Variants in SLC24A2 observed in about 807,000 individuals in gnomAD.
SLC24A2 encodes solute carrier family 24 member 2.
In SLC24A2, 36 loss-of-function variants were observed where a neutral mutation model predicts 62.0. The observed-to-expected ratio is 0.58, with a 90% CI of 0.44 to 0.77. The LOEUF is 0.77. Ranked by LOEUF, SLC24A2 falls within the 30% of genes least tolerant of loss-of-function variation. The pLI, the probability that SLC24A2 is intolerant of heterozygous loss-of-function variation, is 0.00. For synonymous variants in SLC24A2, 358 were observed against 294.0 expected (o/e 1.22, Z -2.23); for missense variants, 846 against 817.9 (o/e 1.03, Z -0.42).
At chr9:19,995,618 A>G in the SLC24A2 span, among the ~76,000 whole-genome samples, 4 of 152,230 alleles carry the variant, frequency 2.6e-5, no homozygotes, top group Non-Finnish European at 5.9e-5. Flanking sequence ...TCTTTGAAGC[A>G]TTTAACACAT....
the SLC24A2 span, among the ~76,000 whole-genome samples, chr9:20,056,669 G>A: frequency 6.6e-6 from 1 of 152,130 alleles, no homozygotes; most frequent in East Asian, 1.9e-4. Flanking sequence ...TATTGCATCT[G>A]CTGGCAACCA....
chr9:19,751,864 G>C (rs1042841524), intron 2 of SLC24A2, among the ~76,000 whole-genome samples: 11 of 152,202 alleles, frequency 7.2e-5, no homozygotes, highest in Non-Finnish European at 1.6e-4. Flanking sequence ...TTTACCAAGA[G>C]ATAGAAGAAG....
chr9:19,835,945 T>A, the SLC24A2 span, among the ~76,000 whole-genome samples: 3 of 152,184 alleles, frequency 2.0e-5, no homozygotes, highest in East Asian at 5.8e-4. Context: ...CTCAACTACA[T>A]GGAAACTGAA....
chr9:19,624,782 G>T (rs562838285), intron 2 of SLC24A2, among the ~76,000 whole-genome samples: 1 of 152,222 alleles, frequency 6.6e-6, no homozygotes, highest in South Asian at 2.1e-4. Context: ...TAGCCCTGTT[G>T]CAAAAGAGAT....
At chr9:19,895,751 C>A in the SLC24A2 span, 14 of 1,494,688 alleles carry the variant, frequency 9.4e-6, no homozygotes, top group South Asian at 2.5e-5. Context: ...AGGGGCTGGG[C>A]GGCCCAGTCC....
chr9:19,739,818 A>G (rs1484865943), intron 2 of SLC24A2, among the ~76,000 whole-genome samples: 1 of 152,208 alleles, frequency 6.6e-6, no homozygotes, highest in African/African-American at 2.4e-5. Context: ...GATAAATTGG[A>G]CTACGTTAAA....
the SLC24A2 span, among the ~76,000 whole-genome samples, chr9:20,016,086 G>C: frequency 6.6e-6 from 1 of 152,130 alleles, no homozygotes; most frequent in Non-Finnish European, 1.5e-5. Context: ...GGAAAATATA[G>C]GCCAGTGCTT....
the SLC24A2 span, among the ~76,000 whole-genome samples, chr9:20,014,708 A>C: frequency 2.0e-5 from 3 of 152,038 alleles, no homozygotes; most frequent in African/African-American, 7.2e-5. Flanking sequence ...AGAGGAGAAT[A>C]ATGGTTACCA....
At chr9:19,899,578 A>T in the SLC24A2 span, among the ~76,000 whole-genome samples, 1 of 152,216 alleles carries the variant, frequency 6.6e-6, no homozygotes, top group Non-Finnish European at 1.5e-5. Flanking sequence ...TGTTTATAAG[A>T]TATAACAATG....
the SLC24A2 span, among the ~76,000 whole-genome samples, chr9:20,276,293 G>A: frequency 6.6e-6 from 1 of 152,192 alleles, no homozygotes; most frequent in Non-Finnish European, 1.5e-5. Context: ...GGAGAAATTG[G>A]CCAAAACAAA....
At chr9:20,230,023 G>T in the SLC24A2 span, among the ~76,000 whole-genome samples, 8 of 151,892 alleles carry the variant, frequency 5.3e-5, no homozygotes, top group African/African-American at 1.9e-4. Flanking sequence ...TGGGAATGAT[G>T]GTTTCCAGTT....
chr9:20,183,076 CCA>C, the SLC24A2 span, among the ~76,000 whole-genome samples: 1 of 152,140 alleles, frequency 6.6e-6, no homozygotes, highest in Non-Finnish European at 1.5e-5. Context: ...CCTGGGGAGA[CCA>C]CAGTTTTGAA....
chr9:20,024,722 C>T, the SLC24A2 span, among the ~76,000 whole-genome samples: 2 of 152,176 alleles, frequency 1.3e-5, no homozygotes, highest in East Asian at 1.9e-4. Flanking sequence ...TCAGGTCACA[C>T]GTCACTGATT....
chr9:19,961,024 GT>G, the SLC24A2 span, among the ~76,000 whole-genome samples: 1 of 79,884 alleles, frequency 1.3e-5, no homozygotes, highest in African/African-American at 7.5e-5. Flanking sequence ...AGAGGGGTGG[GT>G]GTGTGTGTGT....
chr9:20,153,725 C>T, the SLC24A2 span, among the ~76,000 whole-genome samples: 6 of 151,670 alleles, frequency 4.0e-5, no homozygotes, highest in East Asian at 1.9e-4. Flanking sequence ...TTCAAACAAA[C>T]GAACACAAAT....
chr9:20,036,403 A>C, the SLC24A2 span, among the ~76,000 whole-genome samples: 1 of 148,386 alleles, frequency 6.7e-6, no homozygotes, highest in Non-Finnish European at 1.5e-5. Flanking sequence ...TAATTACCAC[A>C]TTGTGCAATA....
At chr9:20,123,474 G>T in the SLC24A2 span, among the ~76,000 whole-genome samples, 1 of 152,166 alleles carries the variant, frequency 6.6e-6, no homozygotes, top group African/African-American at 2.4e-5. Flanking sequence ...ACTTGTCCAA[G>T]TAGGAGGTAC....
At chr9:20,126,003 G>A in the SLC24A2 span, among the ~76,000 whole-genome samples, 2 of 152,108 alleles carry the variant, frequency 1.3e-5, no homozygotes, top group African/African-American at 4.8e-5. Context: ...GCCACTTCAG[G>A]GCATTATTCA....
At chr9:20,175,684 C>T in the SLC24A2 span, among the ~76,000 whole-genome samples, 8 of 151,958 alleles carry the variant, frequency 5.3e-5, no homozygotes, top group Middle Eastern at 3.4e-3. Flanking sequence ...AATATTAAAA[C>T]CTTAGTATTT....
Sources: gnomAD v4.1 joint callset for allele counts (sites outside exome capture counted in the v4.1 genomes callset) on GRCh38, gnomAD v4.1.1 for gene constraint, MANE v1.5 for transcripts, NCBI Gene and HGNC (gene_info 2026-07-23, HGNC 2026-07-21) for gene names.